The following FRMPD1 variants were observed in gnomAD, a reference collection of about 807,000 sequenced individuals.
FRMPD1 encodes FERM and PDZ domain containing 1, also known as FERM and PDZ domain-containing protein 1.
A neutral mutation model predicts 117.8 loss-of-function variants in FRMPD1; 76 were observed. The observed-to-expected ratio is 0.65, with a 90% CI of 0.54 to 0.78. FRMPD1 has a LOEUF of 0.78. Among genes scored for constraint, FRMPD1 ranks in the 30% least tolerant of loss-of-function variants. The pLI, the probability that FRMPD1 is intolerant of heterozygous loss-of-function variation, is 0.00. For synonymous variants in FRMPD1, 783 were observed against 770.4 expected, an observed-to-expected ratio of 1.02 and a Z score of -0.27; for missense variants, 1,786 against 1,964.5, an observed-to-expected ratio of 0.91 and a Z score of 1.72.
At chr9:37,626,643 G>A in the FRMPD1 span, among the ~76,000 whole-genome samples, 20 of 17,914 alleles carry the variant, frequency 1.1e-3, no homozygotes, top group Non-Finnish European at 1.7e-3. Flanking sequence ...AAAAAAAAAA[G>A]CTGGAGGTGG....
At position 37,690,378 on chromosome 9, in the gene FRMPD1, T is replaced by C. The variant is rs546636393; in HGVS notation, c.-4-2260T>C. 8.6e-5 allele frequency among the ~76,000 whole-genome samples: 13 copies of C among 151,080 alleles called. No homozygotes were observed. In the South Asian group the frequency reaches 2.7e-3, roughly 32 times the overall value. ...ATATAATACTTTATCTTTTTGAAGA[T>C]TTAAGTTATAGATTGAAATTTTTTT... is the stretch of plus-strand genomic sequence containing the variant. On this transcript the variant is annotated intron_variant, in intron 1 of 15. Transcript: ENST00000377765.
chr9:37,743,061 G>C (rs1233547354), intron 15 of FRMPD1, among the ~76,000 whole-genome samples: 2 of 152,216 alleles, frequency 1.3e-5, no homozygotes, highest in Non-Finnish European at 2.9e-5. Context: ...CAAGCTCTCT[G>C]ATTCTCAAGT....
chr9:37,626,803 G>A, the FRMPD1 span, among the ~76,000 whole-genome samples: 143,898 of 151,178 alleles, frequency 0.95, 68,902 homozygotes, highest in East Asian at 1. Context: ...GAGAGAGAGA[G>A]AAAAGTAAAT....
the FRMPD1 span, among the ~76,000 whole-genome samples, chr9:37,603,675 G>A: frequency 6.6e-6 from 1 of 150,520 alleles, no homozygotes; most frequent in Admixed American, 6.6e-5. Flanking sequence ...GTTTTATTTT[G>A]TTTTGTTTTG....
intron 7 of FRMPD1, among the ~76,000 whole-genome samples, chr9:37,729,382 CAAAAAAAAAAAA>C (rs60967717): frequency 1.3e-4 from 7 of 54,724 alleles, no homozygotes; most frequent in African/African-American, 4.5e-4. Context: ...GAGACCCTCT[CAAAAAAAAAAAA>C]AAAAAAAAAA....
chr9:37,659,915 TAAAAAAAAAAA>T (rs36016239), intron 1 of FRMPD1, among the ~76,000 whole-genome samples: 2 of 103,614 alleles, frequency 1.9e-5, no homozygotes, highest in Admixed American at 2.2e-4. Context: ...TTTCAAGCAC[TAAAAAAAAAAA>T]AAAAAAAACA....
At chr9:37,732,234 C>A in intron 9 of FRMPD1, 70 bp from the exon 10 acceptor site, 3 of 1,538,758 alleles carry the variant, frequency 1.9e-6, no homozygotes, top group Non-Finnish European at 2.7e-6. Flanking sequence ...TGCTGCCTTT[C>A]ACCCGAGAGA....
chr9:37,641,085 G>T, the FRMPD1 span, among the ~76,000 whole-genome samples: 6 of 152,106 alleles, frequency 3.9e-5, no homozygotes, highest in Non-Finnish European at 5.9e-5. Context: ...ACTGCATTTT[G>T]CCATGTTACC....
intron 1 of FRMPD1, among the ~76,000 whole-genome samples, chr9:37,687,040 T>C (rs893861236): frequency 1.3e-5 from 2 of 152,236 alleles, no homozygotes; most frequent in African/African-American, 4.8e-5. Context: ...ATCTGCTCCA[T>C]GTATTCCATG....
At chr9:37,643,440 G>T in the FRMPD1 span, among the ~76,000 whole-genome samples, 3 of 152,036 alleles carry the variant, frequency 2.0e-5, no homozygotes, top group Admixed American at 6.6e-5. Flanking sequence ...TCATCTTTCA[G>T]ATCATTAAAT....
At chr9:37,632,905 C>T in the FRMPD1 span, among the ~76,000 whole-genome samples, 1 of 147,722 alleles carries the variant, frequency 6.8e-6, no homozygotes, top group Non-Finnish European at 1.5e-5. Context: ...AGATAAATTT[C>T]TGTATATATA....
In FRMPD1 at chr9:37,745,593, AC is replaced by A. The variant is rs1184740675; in HGVS notation, c.3566del (p.Pro1189GlnfsTer14). ...PRDPQGQSREPPGQGCQAQEQ... is the reference protein window; with the variant it reads ...PRDPQGQSREXPGQGCQAQEQ... ...GAGACCCTCAAGGACAGAGCAGAGA[AC>A]CCCCAGGGCAAGGCTGCCAGGCTCA... On this transcript the variant is annotated frameshift_variant, in exon 16 of 16. Coordinates refer to ENST00000377765, the MANE Select transcript of FRMPD1 (RefSeq NM_014907.3). LOFTEE classifies it high-confidence loss of function. 1 of 1,614,056 alleles carries A rather than the reference AC, an allele frequency of 6.2e-7. No individual in the cohort carries two copies. Among genetic ancestry groups the A allele is most frequent in the Admixed American group, 1.7e-5 (1 of 60,010 alleles).
At position 37,745,918 on chromosome 9, in the gene FRMPD1, C is replaced by G. The variant is rs1171243207; in HGVS notation, c.3886C>G (p.Leu1296Val). Residue 1296 changes from leucine to valine, a missense_variant, in exon 16 of 16, where the codon CTG becomes GTG. Coordinates refer to ENST00000377765, the MANE Select transcript of FRMPD1 (RefSeq NM_014907.3). Reference protein sequence around the residue: ...SICLSAEKSFLCFAPESHPEV... With the variant: ...SICLSAEKSFVCFAPESHPEV... The stretch of plus-strand genomic sequence containing the variant: ...CTGCCTTTCTGCTGAGAAGTCTTTT[C>G]TGTGCTTTGCCCCAGAAAGCCATCC... 5 of 1,614,130 alleles carry G rather than the reference C, an allele frequency of 3.1e-6. No individual in the cohort carries two copies. In the African/African-American group the frequency reaches 5.3e-5, roughly 17 times the overall value.
chr9:37,743,825 G>A (rs1253816059), intron 15 of FRMPD1, among the ~76,000 whole-genome samples: 1 of 151,320 alleles, frequency 6.6e-6, no homozygotes, highest in African/African-American at 2.4e-5. Context: ...TTGAACTCAG[G>A]AGTTCAAGGC....
chr9:37,619,014 C>G, the FRMPD1 span, among the ~76,000 whole-genome samples: 1,268 of 152,280 alleles, frequency 8.3e-3, 22 homozygotes, highest in African/African-American at 0.029. Context: ...TCCCACAGCA[C>G]AGCCTAGCAC....
intron 1 of FRMPD1, among the ~76,000 whole-genome samples, chr9:37,682,091 A>G (rs1432827780): frequency 6.6e-6 from 1 of 152,214 alleles, no homozygotes; most frequent in Admixed American, 6.5e-5. Flanking sequence ...GATCAGAACA[A>G]AGACACAAGA....
the FRMPD1 span, among the ~76,000 whole-genome samples, chr9:37,612,736 C>A: frequency 2.1e-4 from 32 of 152,328 alleles, no homozygotes; most frequent in Admixed American, 1.3e-4. Context: ...AGGTGATCTG[C>A]CCGCCTTGGC....
At chr9:37,666,279 T>C (rs780867481) in intron 1 of FRMPD1, among the ~76,000 whole-genome samples, 17 of 152,162 alleles carry the variant, frequency 1.1e-4, no homozygotes, top group Non-Finnish European at 1.8e-4. Context: ...CTAACACTTA[T>C]TGAGTGTCTA....
At chr9:37,660,808 G>T (rs972866094) in intron 1 of FRMPD1, among the ~76,000 whole-genome samples, 1 of 152,168 alleles carries the variant, frequency 6.6e-6, no homozygotes. Flanking sequence ...AGCTTCCTGG[G>T]CAGGGACCGA....
Sources: allele counts gnomAD v4.1 joint callset (sites outside exome capture counted in the v4.1 genomes callset), GRCh38; gene constraint gnomAD v4.1.1; transcripts MANE v1.5; gene names NCBI Gene and HGNC (gene_info 2026-07-23, HGNC 2026-07-21).